The following RUBCN variants were observed in gnomAD, a reference collection of about 807,000 sequenced individuals.
The protein encoded by RUBCN is rubicon autophagy regulator.
Under a neutral mutation model 113.2 loss-of-function variants are expected in RUBCN, and 74 were observed. That is an observed-to-expected ratio of 0.65 (90% CI 0.54 to 0.79). RUBCN has a LOEUF of 0.79. Among genes scored for constraint, RUBCN ranks in the 30% least tolerant of loss-of-function variants. The pLI, the probability that RUBCN is intolerant of heterozygous loss-of-function variation, is 0.00. For synonymous variants in RUBCN, 480 were observed against 490.0 expected, an observed-to-expected ratio of 0.98 and a Z score of 0.27; for missense variants, 1,109 against 1,251.7, an observed-to-expected ratio of 0.89 and a Z score of 1.72.
rs1340064026 is a variant in RUBCN at position 197,681,333 on chromosome 3, C to T, written c.2226G>A (p.Leu742=). ...GGCAGCACTGGCAGAAGTACTTGCC[C>T]AGGTACTCACAGTACCGCAGTCGCT... ...YIKRLRYCEY[L]GKYFCQCCHE... Residue 742 remains leucine (L), a synonymous_variant, in exon 16 of 20, where the codon CTG becomes CTA. Coordinates refer to ENST00000296343, the MANE Select transcript of RUBCN (RefSeq NM_014687.4). This position sits in a 1 kb window ranked among gnomAD's most constrained non-coding sequence, Gnocchi z 5.5. 17 of 1,613,994 alleles carry T rather than the reference C, an allele frequency of 1.1e-5. No homozygotes were observed. The highest frequency in any genetic ancestry group is 1.3e-5 in the African/African-American group (1 of 74,934).
intron 1 of RUBCN, among the ~76,000 whole-genome samples, chr3:197,730,619 A>G (rs921939166): frequency 6.7e-6 from 1 of 149,424 alleles, no homozygotes; most frequent in East Asian, 2.0e-4. Context: ...GGCCATCACG[A>G]GTGTGGATGC....
rs935439915 is a variant in RUBCN at position 197,721,498 on chromosome 3, C to T, written c.66-3368G>A. 7.2e-5 allele frequency among the ~76,000 whole-genome samples: 11 copies of T among 151,926 alleles called. No homozygotes were observed. In the East Asian group the frequency reaches 2.1e-3, roughly 29 times the overall value. On this transcript the variant is annotated intron_variant, in intron 1 of 19. Transcript: ENST00000296343. Reference sequence around the variant, plus strand: ...TTTATTTATTTGAGTCTTTTTTCCCCCTTGGTCTAGCTAAAGGTTTGTTAA... The same window carrying T: ...TTTATTTATTTGAGTCTTTTTTCCCTCTTGGTCTAGCTAAAGGTTTGTTAA...
intron 11 of RUBCN, among the ~76,000 whole-genome samples, chr3:197,690,414 G>A (rs1035502202): frequency 2.0e-5 from 3 of 152,170 alleles, no homozygotes; most frequent in African/African-American, 7.2e-5. Context: ...CTCCAGCATG[G>A]GCAACAAGAG....
intron 1 of RUBCN, chr3:197,749,188 A>T: frequency 1.3e-6 from 1 of 756,180 alleles, no homozygotes; most frequent in Non-Finnish European, 1.6e-6. Context: ...AGGGATGATT[A>T]AAAAGTAAAC....
chr3:197,691,191 C>A (rs754447437), intron 11 of RUBCN: 25 of 1,020,734 alleles, frequency 2.4e-5, no homozygotes, highest in African/African-American at 5.0e-5. Flanking sequence ...AGTATTCCAG[C>A]AGGAAATAAA....
chr3:197,739,234 C>CA (rs1342059259), upstream of RUBCN, among the ~76,000 whole-genome samples: 5 of 144,120 alleles, frequency 3.5e-5, no homozygotes, highest in African/African-American at 5.4e-5. Context: ...CTAAAAAATA[C>CA]AAAAAAATTA....
chr3:197,720,517 C>A (rs1026315842), intron 1 of RUBCN, among the ~76,000 whole-genome samples: 2 of 152,082 alleles, frequency 1.3e-5, no homozygotes, highest in Admixed American at 1.3e-4. Context: ...AAGCGATTCT[C>A]CTGCCTCAGC....
chr3:197,740,275 C>T (rs1223535128), upstream of RUBCN, among the ~76,000 whole-genome samples: 1 of 150,916 alleles, frequency 6.6e-6, no homozygotes, highest in East Asian at 2.0e-4. Flanking sequence ...CGCTCTGTCA[C>T]TCAGGCTGGA....
At chr3:197,695,836 G>C in intron 9 of RUBCN, 30 bp downstream of exon 9, 1 of 1,596,114 alleles carries the variant, frequency 6.3e-7, no homozygotes, top group Non-Finnish European at 8.6e-7. Context: ...CCCAACTCAT[G>C]AGCTCTTCAT....
At chr3:197,741,280 C>T (rs900422521), upstream of RUBCN, among the ~76,000 whole-genome samples, 1 of 152,250 alleles carries the variant, frequency 6.6e-6, no homozygotes, top group Non-Finnish European at 1.5e-5. Context: ...TTTATGTTTT[C>T]CCCATAGGTA....
chr3:197,704,724 T>A lies in RUBCN; in HGVS notation c.304-23A>T, dbSNP rs763850974. ...GAACTGGGAAGCAAAGGGGCATGAGTCAAAACACACATCCTGGTAGATACG... is the reference window on the plus strand; with the variant it reads ...GAACTGGGAAGCAAAGGGGCATGAGACAAAACACACATCCTGGTAGATACG... On this transcript the variant is annotated intron_variant, in intron 3 of 19. Transcript: ENST00000296343. 14 of 1,612,336 alleles carry A rather than the reference T, an allele frequency of 8.7e-6. No individual in the cohort carries two copies. In the South Asian group the frequency reaches 1.5e-4, roughly 18 times the overall value.
At chr3:197,722,987 G>A (rs749445801) in intron 1 of RUBCN, among the ~76,000 whole-genome samples, 1 of 151,990 alleles carries the variant, frequency 6.6e-6, no homozygotes, top group African/African-American at 2.4e-5. Context: ...AGTAAGGTCT[G>A]TTACTTGTTT....
chr3:197,695,445 A>T (rs904331014), intron 9 of RUBCN, among the ~76,000 whole-genome samples: 2 of 151,978 alleles, frequency 1.3e-5, no homozygotes, highest in Non-Finnish European at 1.5e-5. Flanking sequence ...ACAAAAAAAT[A>T]AAAAAAATAG....
chr3:197,717,309 T>C (rs538022823), intron 2 of RUBCN, among the ~76,000 whole-genome samples: 2 of 151,544 alleles, frequency 1.3e-5, no homozygotes, highest in Non-Finnish European at 2.9e-5. Context: ...CCGGGCCTGG[T>C]GGCGGGCGCC....
chr3:197,745,233 C>T (rs12492708), intron 1 of RUBCN, among the ~76,000 whole-genome samples: 121,583 of 149,058 alleles, frequency 0.82, 50,845 homozygotes, highest in East Asian at 0.99. Context: ...TGCAGTGAGC[C>T]GAGATCACGC....
At chr3:197,725,793 A>G (rs901690225) in intron 1 of RUBCN, among the ~76,000 whole-genome samples, 7 of 152,184 alleles carry the variant, frequency 4.6e-5, no homozygotes, top group African/African-American at 1.7e-4. Flanking sequence ...TAACATACGG[A>G]TGAAAAATCC....
chr3:197,698,171 A>G (rs1051623871), intron 7 of RUBCN, among the ~76,000 whole-genome samples: 1 of 152,092 alleles, frequency 6.6e-6, no homozygotes, highest in Non-Finnish European at 1.5e-5. Context: ...CCATTTAACT[A>G]ATTCTTAGAA....
chr3:197,736,983 A>C, upstream of RUBCN: 37 of 1,199,214 alleles, frequency 3.1e-5, no homozygotes, highest in East Asian at 2.2e-4. Context: ...GCGTCCTCCA[A>C]TCCCAGGCCG....
At chr3:197,709,395 C>G (rs1447880617) in intron 2 of RUBCN, among the ~76,000 whole-genome samples, 1 of 150,738 alleles carries the variant, frequency 6.6e-6, no homozygotes, top group Non-Finnish European at 1.5e-5. Context: ...TTTTTTTTTT[C>G]TTTGAGACGG....
Sources: gnomAD v4.1 joint callset for allele counts (sites outside exome capture counted in the v4.1 genomes callset) on GRCh38, gnomAD v4.1.1 for gene constraint, Gnocchi (gnomAD v3.1) non-coding constraint, MANE v1.5 for transcripts, NCBI Gene and HGNC (gene_info 2026-07-23, HGNC 2026-07-21) for gene names.